The following NIPSNAP3B variants were observed in gnomAD, a reference collection of about 807,000 sequenced individuals.
The protein encoded by NIPSNAP3B is nipsnap homolog 3B.
NIPSNAP3B carries 30 observed loss-of-function variants against 31.5 expected under a neutral mutation model. That is an observed-to-expected ratio of 0.95 (90% CI 0.71 to 1.29). NIPSNAP3B has a LOEUF of 1.29. Among genes scored for constraint, NIPSNAP3B ranks in the 50% most tolerant of loss-of-function variants. The pLI, the probability that NIPSNAP3B is intolerant of heterozygous loss-of-function variation, is 0.00. For missense variants in NIPSNAP3B, 269 were observed against 300.7 expected, an observed-to-expected ratio of 0.89 and a Z score of 0.78; for synonymous variants, 106 against 107.9, an observed-to-expected ratio of 0.98 and a Z score of 0.11.
At chr9:104,785,308 A>G in the NIPSNAP3B span, 1 of 1,546,668 alleles carries the variant, frequency 6.5e-7, no homozygotes, top group Non-Finnish European at 8.9e-7. Context: ...AATTCAAGAT[A>G]CAAACTGCTC....
downstream of NIPSNAP3B, among the ~76,000 whole-genome samples, chr9:104,778,778 A>G (rs1018621135): frequency 6.6e-6 from 1 of 152,146 alleles, no homozygotes; most frequent in Non-Finnish European, 1.5e-5. Context: ...ACCATTATCT[A>G]TTAGTCTTCC....
chr9:104,788,081 T>G, the NIPSNAP3B span: 1 of 1,611,782 alleles, frequency 6.2e-7, no homozygotes, highest in Non-Finnish European at 8.5e-7. Context: ...CACCTTGACT[T>G]TGGTCTGGCT....
the NIPSNAP3B span, chr9:104,786,943 G>A: frequency 5.6e-6 from 9 of 1,613,896 alleles, no homozygotes; most frequent in Non-Finnish European, 7.6e-6. Context: ...AAGAACCGCC[G>A]GGCTTTGGGA....
intron 2 of NIPSNAP3B, 78 bp from the exon 3 acceptor site, chr9:104,768,785 T>C: frequency 7.4e-7 from 1 of 1,348,056 alleles, no homozygotes; most frequent in Non-Finnish European, 1.0e-6. Context: ...GCACGTTTGC[T>C]GAACTGAGTA....
At chr9:104,784,048 T>C in the NIPSNAP3B span, 8 of 410,230 alleles carry the variant, frequency 2.0e-5, no homozygotes, top group Non-Finnish European at 3.1e-5. Context: ...GGTTCCATAA[T>C]AGAGTTTCAC....
chr9:104,778,609 C>G (rs1828384507), downstream of NIPSNAP3B, among the ~76,000 whole-genome samples: 1 of 152,216 alleles, frequency 6.6e-6, no homozygotes, highest in South Asian at 2.1e-4. Context: ...ACACAACCAT[C>G]TACCTAGTTC....
chr9:104,784,900 T>TC, the NIPSNAP3B span, among the ~76,000 whole-genome samples: 2 of 152,152 alleles, frequency 1.3e-5, no homozygotes, highest in South Asian at 4.1e-4. Flanking sequence ...CTCCTCAGCC[T>TC]CCCAAAGTGC....
At chr9:104,777,813 C>A (rs1828368078), downstream of NIPSNAP3B, among the ~76,000 whole-genome samples, 1 of 127,088 alleles carries the variant, frequency 7.9e-6, no homozygotes, top group African/African-American at 2.8e-5. Context: ...TATAGATTTG[C>A]ATATATTTGC....
the NIPSNAP3B span, chr9:104,788,584 A>C: frequency 6.2e-7 from 1 of 1,613,970 alleles, no homozygotes; most frequent in Non-Finnish European, 8.5e-7. Context: ...AGGACAAGAA[A>C]ACTACTTAGA....
In NIPSNAP3B at chr9:104,776,101, C is replaced by A. The variant is rs1828330964; in HGVS notation, c.*3028C>A. On this transcript the variant is annotated 3_prime_UTR_variant, in exon 6 of 6. Transcript: ENST00000374762. ...TTCATGTCATCCTCAGAGTTATTGT[C>A]CAAGCCTCTAACTGTGGTCTACAAG... Among the ~76,000 whole-genome samples, 1 of 152,158 alleles carries A rather than the reference C, an allele frequency of 6.6e-6. No individual in the cohort carries two copies. Among genetic ancestry groups the A allele is most frequent in the Admixed American group, 6.5e-5 (1 of 15,274 alleles).
At chr9:104,784,942 C>T in the NIPSNAP3B span, among the ~76,000 whole-genome samples, 7 of 152,284 alleles carry the variant, frequency 4.6e-5, 1 homozygote, top group Non-Finnish European at 8.8e-5. Flanking sequence ...CCACGCCCGG[C>T]CAAAAACTGA....
At chr9:104,772,164 C>G (rs1828234408) in intron 4 of NIPSNAP3B, among the ~76,000 whole-genome samples, 1 of 149,724 alleles carries the variant, frequency 6.7e-6, no homozygotes, top group Non-Finnish European at 1.5e-5. Context: ...AATTTTCTCC[C>G]ATTCTGGAGG....
rs1327102027 is a variant in NIPSNAP3B, at chr9:104,769,038, T to TA, written c.430+18dup. Reference sequence around the variant, plus strand: ...CAAAAGAAGGTGAGTTCTTCCCTCTTAGACTATGAGTTTTAATGAGTAAAA... The same window carrying TA: ...CAAAAGAAGGTGAGTTCTTCCCTCTTAAGACTATGAGTTTTAATGAGTAAAA... On this transcript the variant is annotated intron_variant, in intron 3 of 5. Coordinates refer to ENST00000374762, the MANE Select transcript of NIPSNAP3B (RefSeq NM_018376.4). 1.9e-6 allele frequency: 3 copies of TA among 1,600,788 alleles called. No individual in the cohort carries two copies. Among genetic ancestry groups the TA allele is most frequent in the African/African-American group, 2.7e-5 (2 of 74,006 alleles).
At chr9:104,787,858 T>C in the NIPSNAP3B span, 20 of 1,613,804 alleles carry the variant, frequency 1.2e-5, no homozygotes, top group East Asian at 3.3e-4. Context: ...TATAGGACTT[T>C]TGAACAGTCA....
At position 104,775,910 on chromosome 9, in the gene NIPSNAP3B, T is replaced by C. The variant is rs1028317152; in HGVS notation, c.*2837T>C. On this transcript the variant is annotated 3_prime_UTR_variant, in exon 6 of 6. Transcript: ENST00000374762. ...GATTGCTTCACATCCCTATAGCAAC[T>C]CTCCTGGTTCAAGCCCATCATCATC... 6.6e-6 allele frequency among the ~76,000 whole-genome samples: 1 copy of C among 152,164 alleles called. No homozygotes were observed. The highest frequency in any genetic ancestry group is 6.5e-5 in the Admixed American group (1 of 15,280).
At chr9:104,780,897 CTT>C (rs765200149), downstream of NIPSNAP3B, 11 of 152,554 alleles carry the variant, frequency 7.2e-5, no homozygotes, top group Non-Finnish European at 1.5e-4. Context: ...ACATTTGAAT[CTT>C]TTCTAAAGTT....
In NIPSNAP3B at chr9:104,774,761, G is replaced by A. The variant is rs1828297410; in HGVS notation, c.*1688G>A. ...TTTTCCTAAAACTTAACATGACAGA[G>A]ATTTGCCTTCCAGGGGGTCTAATTT... On this transcript the variant is annotated 3_prime_UTR_variant, in exon 6 of 6. Coordinates refer to ENST00000374762, the MANE Select transcript of NIPSNAP3B (RefSeq NM_018376.4). Among the ~76,000 whole-genome samples, 1 of 152,150 alleles carries A rather than the reference G, an allele frequency of 6.6e-6. No homozygotes were observed. The highest frequency in any genetic ancestry group is 1.5e-5 in the Non-Finnish European group (1 of 68,016).
rs567765519 is a variant in NIPSNAP3B at position 104,775,547 on chromosome 9, C to G, written c.*2474C>G. On this transcript the variant is annotated 3_prime_UTR_variant, in exon 6 of 6. Transcript: ENST00000374762. ...TACTTACTCCCTGCGTCATCACCCC[C>G]AGTCTTGTGGCTTCAAATGCTATCT... 1.3e-5 allele frequency among the ~76,000 whole-genome samples: 2 copies of G among 152,294 alleles called. No individual in the cohort carries two copies. The highest frequency in any genetic ancestry group is 4.1e-4 in the South Asian group (2 of 4,826).
chr9:104,765,552 C>G lies in NIPSNAP3B; in HGVS notation c.61-773C>G, dbSNP rs78428138. On this transcript the variant is annotated intron_variant, in intron 1 of 5. Transcript: ENST00000374762. Reference sequence around the variant, plus strand: ...TTACCCATTGGGCATATGACTATTACAAAGGGTGGTTCTTAAAGGATAGTT... The same window carrying G: ...TTACCCATTGGGCATATGACTATTAGAAAGGGTGGTTCTTAAAGGATAGTT... Among the ~76,000 whole-genome samples, 859 of 152,324 alleles carry G rather than the reference C, an allele frequency of 5.6e-3. 10 individuals are homozygous for G. The highest frequency in any genetic ancestry group is 0.02 in the African/African-American group (812 of 41,570).
Sources: allele counts gnomAD v4.1 joint callset (sites outside exome capture counted in the v4.1 genomes callset), GRCh38; gene constraint gnomAD v4.1.1; transcripts MANE v1.5; gene names NCBI Gene and HGNC (gene_info 2026-07-23, HGNC 2026-07-21).